ZNF496: variants seen among roughly 807,000 people sequenced by gnomAD.
ZNF496 encodes NSD1 (nuclear receptor binding SET-domain containing 1)-interacting zinc finger protein 1.
ZNF496 carries 11 observed loss-of-function variants against 58.9 expected under a neutral mutation model. That is an observed-to-expected ratio of 0.19 (90% CI 0.12 to 0.31). The LOEUF (loss-of-function observed/expected upper bound fraction) is 0.31, where lower values mean the gene tolerates loss of function less well. ZNF496 is among the 10% of genes least tolerant of loss of function. ZNF496 has a pLI of 1.00. For missense variants in ZNF496, 660 were observed against 783.0 expected, an observed-to-expected ratio of 0.84 and a Z score of 1.88; for synonymous variants, 338 against 318.2, an observed-to-expected ratio of 1.06 and a Z score of -0.66.
chr1:247,311,625 T>A (rs1030322943), intron 6 of ZNF496: 1 of 152,238 alleles, frequency 6.6e-6, no homozygotes, highest in African/African-American at 2.4e-5. Flanking sequence ...ATCCTTTTTG[T>A]CTTGATGCTG....
rs1185373250 is a variant in ZNF496, at chr1:247,308,811, C to T, written c.893-223G>A. ...CATGAGCTCTGACGCTAGACAGAAT[C>T]GACGTAGATCCGGGTTCTACTCCAC... is the stretch of plus-strand genomic sequence containing the variant. On this transcript the variant is annotated intron_variant, in intron 8 of 9. Transcript: ENST00000682384. The surrounding 1 kb of genome is among the most constrained non-coding windows in gnomAD (Gnocchi z 4.5). 1.2e-5 allele frequency: 6 copies of T among 502,656 alleles called. No homozygotes were observed. The East Asian group carries it at 1.5e-4, about 12-fold the overall frequency. 31.1% of individuals were successfully genotyped at this position (502,656 alleles called of 1,614,324 possible).
chr1:247,307,870 C>A (rs888720406), intron 9 of ZNF496: 17 of 985,040 alleles, frequency 1.7e-5, no homozygotes, highest in Middle Eastern at 5.2e-4. Context: ...GAAGTGGTGA[C>A]TTTTACCAAG....
chr1:247,307,133 T>C, intron 9 of ZNF496: 2 of 985,472 alleles, frequency 2.0e-6, no homozygotes, highest in Non-Finnish European at 1.2e-6. Context: ...TGGCACAAAC[T>C]GAACATCTGG....
In ZNF496 at chr1:247,328,704, T is replaced by C. The variant is rs759846270; in HGVS notation, c.553A>G (p.Ser185Gly). The change falls in exon 5 of 10, where the codon AGC becomes GGC. Residue 185 changes from serine (S) to glycine (G), a missense_variant. By Grantham distance (56) the Ser-to-Gly change is moderately conservative (BLOSUM62 0). Transcript: ENST00000682384. ...ATACCTGGGTCCCCGCTGAGCTGGCTTGGTGGTCTGCTTGGGAGCCCCAGG... is the reference window on the plus strand; with the variant it reads ...ATACCTGGGTCCCCGCTGAGCTGGCCTGGTGGTCTGCTTGGGAGCCCCAGG... Reference protein sequence around the residue: ...QCLGLPSRPPSQLSGDPVLQD... With the variant: ...QCLGLPSRPPGQLSGDPVLQD... The C allele has an allele frequency of 5.0e-6, 8 of 1,600,066 alleles. No homozygotes were observed. The highest frequency in any genetic ancestry group is 6.8e-6 in the Non-Finnish European group (8 of 1,173,254).
chr1:247,303,592 T>C (rs147342445), intron 9 of ZNF496, among the ~76,000 whole-genome samples: 1 of 152,318 alleles, frequency 6.6e-6, no homozygotes, highest in African/African-American at 2.4e-5. Flanking sequence ...GGCAAAGAAT[T>C]TGGCCAAACC....
intron 5 of ZNF496, among the ~76,000 whole-genome samples, chr1:247,327,916 G>A (rs1332916538): frequency 6.6e-6 from 1 of 152,144 alleles, no homozygotes; most frequent in Non-Finnish European, 1.5e-5. Flanking sequence ...CAAGGGCGCT[G>A]GTTTCCCATG....
rs1376032859 is a variant in ZNF496, at chr1:247,309,257, C to G, written c.892+442G>C. On this transcript the variant is annotated intron_variant, in intron 8 of 9. Coordinates refer to ENST00000682384, the MANE Select transcript of ZNF496 (RefSeq NM_032752.3). This position sits in a 1 kb window ranked among gnomAD's most constrained non-coding sequence, Gnocchi z 4.3. ...TGAGCCCCAGCACCTCCCCACACCC[C>G]AGTGTCCTCACAGCACCCCTGTACC... The G allele has an allele frequency of 3.0e-5, 13 of 426,570 alleles. No homozygotes were observed. In the East Asian group the frequency reaches 1.7e-3, roughly 55 times the overall value. The allele number at this position is 426,570 out of a possible 1,614,324, so 26.4% of individuals were successfully genotyped here.
chr1:247,300,755 T>C lies in ZNF496; in HGVS notation c.1528A>G (p.Lys510Glu), dbSNP rs1659211681. ...GCCTTGCCGTTTTCCAGCGGCTCTT[T>C]GGGACCCTTGTCCGCGTCCTCGGAT... The part of the protein sequence containing the change: ...AASEDADKGP[K>E]EPLENGKAKL... The change falls in exon 10 of 10, where the codon AAA (lysine) becomes GAA (glutamate). Residue 510 changes from lysine (K) to glutamate (E), a missense_variant. Coordinates refer to ENST00000682384, the MANE Select transcript of ZNF496 (RefSeq NM_032752.3). This position sits in a 1 kb window ranked among gnomAD's most constrained non-coding sequence, Gnocchi z 5.7. 1 of 1,609,612 alleles carries C rather than the reference T, an allele frequency of 6.2e-7. No homozygotes were observed. Among genetic ancestry groups the C allele is most frequent in the Non-Finnish European group, 8.5e-7 (1 of 1,176,696 alleles).
At chr1:247,325,413 G>A (rs1340403392) in intron 5 of ZNF496, among the ~76,000 whole-genome samples, 2 of 152,164 alleles carry the variant, frequency 1.3e-5, no homozygotes, top group Admixed American at 1.3e-4. Flanking sequence ...AAAATTGTAT[G>A]TATTTTGTAT....
Position 247,310,622 on chromosome 1 carries a change from C to T in ZNF496, c.652-166G>A, listed in dbSNP as rs542524663. ...GGCTGGACGTCCAAGATCAAGGTGC[C>T]AGCAGGCTGGGTGCCTGGTGAGGGC... On this transcript the variant is annotated intron_variant, in intron 6 of 9. Coordinates refer to ENST00000682384, the MANE Select transcript of ZNF496 (RefSeq NM_032752.3). The T allele has an allele frequency of 3.9e-5, 34 of 870,162 alleles. No individual in the cohort carries two copies. The South Asian group carries it at 6.2e-4, about 16-fold the overall frequency. The allele number at this position is 870,162 out of a possible 1,614,324, so 53.9% of individuals were successfully genotyped here. A position where few individuals can be genotyped will look rare whatever the true frequency, so the allele number is the denominator to read the frequency against.
intron 2 of ZNF496, among the ~76,000 whole-genome samples, 161 bp downstream of exon 2, chr1:247,331,271 G>A (rs1028655256): frequency 5.3e-5 from 8 of 152,222 alleles, no homozygotes; most frequent in Non-Finnish European, 1.2e-4. Context: ...CCCCGCAGGG[G>A]CGGAGCGAGC....
At chr1:247,331,048 T>G (rs61838690) in intron 2 of ZNF496, among the ~76,000 whole-genome samples, 15,342 of 152,130 alleles carry the variant, frequency 0.1, 881 homozygotes, top group Middle Eastern at 0.15. Flanking sequence ...CCGCCCGCCC[T>G]GCTCGGCGGC....
intron 6 of ZNF496, chr1:247,311,640 C>A (rs895950262): frequency 6.6e-6 from 1 of 152,194 alleles, no homozygotes; most frequent in Non-Finnish European, 1.5e-5. Flanking sequence ...ATGCTGTGCT[C>A]CCCAGGCCCA....
rs1248995369 is a variant in ZNF496, at chr1:247,309,351, C to T, written c.892+348G>A. On this transcript the variant is annotated intron_variant, in intron 8 of 9. Coordinates refer to ENST00000682384, the MANE Select transcript of ZNF496 (RefSeq NM_032752.3). The surrounding 1 kb of genome is among the most constrained non-coding windows in gnomAD (Gnocchi z 4.3). ...GCGCTCGGTGCCCAGTTAGGAGACA[C>T]TCCCTCTGCAACTAGGCTTGTCATG... 2 of 1,098,920 alleles carry T rather than the reference C, an allele frequency of 1.8e-6. No homozygotes were observed. Among genetic ancestry groups the T allele is most frequent in the Non-Finnish European group, 2.2e-6 (2 of 898,460 alleles). 68.1% of individuals were successfully genotyped at this position (1,098,920 alleles called of 1,614,324 possible). A position where few individuals can be genotyped will look rare whatever the true frequency, so the allele number is the denominator to read the frequency against.
intron 7 of ZNF496, 189 bp downstream of exon 7, chr1:247,310,135 T>A (rs1290338022): frequency 1.4e-6 from 2 of 1,436,710 alleles, no homozygotes; most frequent in Non-Finnish European, 1.8e-6. Flanking sequence ...CAGGTGATGG[T>A]CAATCGGACA....
chr1:247,321,840 C>T (rs1346347365), intron 6 of ZNF496, among the ~76,000 whole-genome samples: 1 of 152,238 alleles, frequency 6.6e-6, no homozygotes, highest in Non-Finnish European at 1.5e-5. Context: ...TCACAGTACA[C>T]AGCAGATGCT....
rs1659496405 is a variant in ZNF496 at position 247,308,717 on chromosome 1, G to A, written c.893-129C>T. Reference sequence around the variant, plus strand: ...CTGGGCTCCGTCCTGGGGACTGGCAGGGGGTGGCCACTCAATAAGTGTCTG... The same window carrying A: ...CTGGGCTCCGTCCTGGGGACTGGCAAGGGGTGGCCACTCAATAAGTGTCTG... On this transcript the variant is annotated intron_variant, in intron 8 of 9. Transcript: ENST00000682384. This position sits in a 1 kb window ranked among gnomAD's most constrained non-coding sequence, Gnocchi z 4.5. The A allele has an allele frequency of 7.4e-6, 6 of 805,804 alleles. No individual in the cohort carries two copies. Among genetic ancestry groups the A allele is most frequent in the Non-Finnish European group, 9.9e-6 (5 of 506,882 alleles). 49.9% of individuals were successfully genotyped at this position (805,804 alleles called of 1,614,324 possible). A position where few individuals can be genotyped will look rare whatever the true frequency, so the allele number is the denominator to read the frequency against.
intron 6 of ZNF496, chr1:247,310,657 G>C: frequency 1.7e-6 from 1 of 600,656 alleles, no homozygotes; most frequent in Non-Finnish European, 2.9e-6. Context: ...CCCACTTCTT[G>C]GTCAAAAGAC....
rs1660338571 is a variant in ZNF496 at position 247,331,782 on chromosome 1, G to T, written c.-370+8C>A. The T allele has an allele frequency of 1.3e-5, 2 of 149,104 alleles. No individual in the cohort carries two copies. Among genetic ancestry groups the T allele is most frequent in the South Asian group, 4.1e-4 (2 of 4,834 alleles). The allele number at this position is 149,104 out of a possible 1,614,324, so 9.2% of individuals were successfully genotyped here. A position where few individuals can be genotyped will look rare whatever the true frequency, so the allele number is the denominator to read the frequency against. On this transcript the variant is annotated splice_region_variant and intron_variant, in intron 1 of 9. Transcript: ENST00000682384. ...CGGGGCCGGCCGCGGGAGCCGGGGTGCACTCACCGCCGCGGCGCGTCCCTG... is the reference window on the plus strand; with the variant it reads ...CGGGGCCGGCCGCGGGAGCCGGGGTTCACTCACCGCCGCGGCGCGTCCCTG...
Sources: gnomAD v4.1 joint callset for allele counts (sites outside exome capture counted in the v4.1 genomes callset) on GRCh38, gnomAD v4.1.1 for gene constraint, Gnocchi (gnomAD v3.1) non-coding constraint, MANE v1.5 for transcripts, NCBI Gene and HGNC (gene_info 2026-07-23, HGNC 2026-07-21) for gene names.